Variants in HNRNPLL observed in about 807,000 individuals in gnomAD.
HNRNPLL encodes the protein heterogeneous nuclear ribonucleoprotein L-like.
HNRNPLL carries 25 observed loss-of-function variants against 67.1 expected under a neutral mutation model. The ratio of observed to expected loss-of-function variants is 0.37; its 90% CI spans 0.27 to 0.52. HNRNPLL has a LOEUF of 0.52. HNRNPLL is among the 20% of genes least tolerant of loss of function. HNRNPLL has a pLI of 0.90. For synonymous variants in HNRNPLL, 267 were observed against 241.7 expected (o/e 1.10, Z -0.97); for missense variants, 542 against 673.9 (o/e 0.80, Z 2.17).
At chr2:38,585,919 C>G in intron 2 of HNRNPLL, 38 bp from the exon 3 acceptor site, 1 of 1,195,982 alleles carries the variant, frequency 8.4e-7, no homozygotes, top group Non-Finnish European at 1.2e-6. Context: ...ACAAACACAG[C>G]AAGTTCCGTT....
chr2:38,586,748 T>C (rs1361325784), intron 2 of HNRNPLL, among the ~76,000 whole-genome samples: 1 of 152,188 alleles, frequency 6.6e-6, no homozygotes, highest in Non-Finnish European at 1.5e-5. Flanking sequence ...AAAATATTCA[T>C]TAGAATACGG....
chr2:38,587,978 T>C lies in HNRNPLL; in HGVS notation c.309-2097A>G, dbSNP rs1044114796. Among the ~76,000 whole-genome samples the C allele has an allele frequency of 2.6e-5, 4 of 152,172 alleles. No homozygotes were observed. In the East Asian group the frequency reaches 7.7e-4, roughly 29 times the overall value. On this transcript the variant is annotated intron_variant, in intron 2 of 12. Transcript: ENST00000449105. ...GTGTGCGCGCTCTCTCTCCTCTCTT[T>C]TTTTTCTCTCTCTCTCCTGCTGGCT... is the stretch of plus-strand genomic sequence containing the variant.
In HNRNPLL at chr2:38,591,596, C is replaced by G; in HGVS notation, c.242G>C (p.Arg81Pro). The G allele has an allele frequency of 6.2e-7, 1 of 1,613,902 alleles. No individual in the cohort carries two copies. Among genetic ancestry groups the G allele is most frequent in the Non-Finnish European group, 8.5e-7 (1 of 1,179,808 alleles). Residue 81 changes from arginine to proline, a missense_variant, in exon 2 of 13, where the codon CGA becomes CCA. By Grantham distance (103) the Arg-to-Pro change is moderately radical. Coordinates refer to ENST00000449105, the MANE Select transcript of HNRNPLL (RefSeq NM_138394.4). ...TTCCACCACAGATTCACAGAGTCCT[C>G]GAACATGGACGACGGGTGAAACAGA... is the stretch of plus-strand genomic sequence containing the variant. Reference protein sequence around the residue: ...KVSVSPVVHVRGLCESVVEAD... With the variant: ...KVSVSPVVHVPGLCESVVEAD...
chr2:38,592,660 G>A (rs1232672286), intron 1 of HNRNPLL, among the ~76,000 whole-genome samples: 2 of 152,186 alleles, frequency 1.3e-5, no homozygotes. Flanking sequence ...CGTAGTATCT[G>A]TACGAATTAC....
At chr2:38,570,726 A>G (rs570478704) in intron 8 of HNRNPLL, among the ~76,000 whole-genome samples, 1 of 152,286 alleles carries the variant, frequency 6.6e-6, no homozygotes, top group African/African-American at 2.4e-5. Context: ...ATACATTCCA[A>G]GAACCCCAAT....
Position 38,563,460 on chromosome 2 carries a change from C to CT in HNRNPLL, c.*721dup, listed in dbSNP as rs996608402. 13 of 152,036 alleles carry CT rather than the reference C, an allele frequency of 8.6e-5. No individual in the cohort carries two copies. Among genetic ancestry groups the CT allele is most frequent in the Non-Finnish European group, 5.9e-5 (4 of 67,950 alleles). 9.4% of individuals were successfully genotyped at this position (152,036 alleles called of 1,614,324 possible). A position where few individuals can be genotyped will look rare whatever the true frequency, so the allele number is the denominator to read the frequency against. On this transcript the variant is annotated 3_prime_UTR_variant, in exon 13 of 13. Transcript: ENST00000449105. ...TCTATTAAAATCTCAATGCCAAATA[C>CT]TAGCTGTATTTAAGTCACATGCAAC...
Position 38,599,760 on chromosome 2 carries a change from C to T in HNRNPLL, c.189+2678G>A. The stretch of plus-strand genomic sequence containing the variant: ...GTTTTTCTTAAATACTCACTTTCCT[C>T]TTTAAATGTAGTCAATATATTATCA... On this transcript the variant is annotated intron_variant, in intron 1 of 12. Transcript: ENST00000449105. The T allele has an allele frequency of 3.0e-5, 11 of 366,404 alleles. 1 individual carries two copies. Among genetic ancestry groups the T allele is most frequent in the South Asian group, 2.3e-4 (11 of 47,902 alleles). The allele number at this position is 366,404 out of a possible 1,614,324, so 22.7% of individuals were successfully genotyped here. A position where few individuals can be genotyped will look rare whatever the true frequency, so the allele number is the denominator to read the frequency against.
At chr2:38,598,102 AAAAC>A (rs1667282874) in intron 1 of HNRNPLL, among the ~76,000 whole-genome samples, 1 of 117,404 alleles carries the variant, frequency 8.5e-6, no homozygotes, top group African/African-American at 3.2e-5. Flanking sequence ...TAAAAACATA[AAAAC>A]AAAACAAAAC....
chr2:38,577,503 T>C lies in HNRNPLL; in HGVS notation c.832A>G (p.Ile278Val). 6.2e-7 allele frequency: 1 copy of C among 1,610,870 alleles called. No individual in the cohort carries two copies. The change falls in exon 7 of 13, where the codon ATT becomes GTT. Residue 278 changes from isoleucine (I) to valine (V), a missense_variant. This residue lies in a region of HNRNPLL where 415 missense variants were observed against 575.2 expected (regional missense o/e 0.72). Coordinates refer to ENST00000449105, the MANE Select transcript of HNRNPLL (RefSeq NM_138394.4). ...AACGAAGAAGGGTGTTCTCCCAAAA[T>C]GGCTTGTCTCTGGCGACCCTTTCCT... ...DRGKGRQRQA[I>V]LGEHPSSFRH...
intron 1 of HNRNPLL, among the ~76,000 whole-genome samples, chr2:38,599,469 C>A (rs1245214268): frequency 6.6e-6 from 1 of 152,084 alleles, no homozygotes; most frequent in Non-Finnish European, 1.5e-5. Context: ...GAACACTACT[C>A]CACAAGAAAA....
In HNRNPLL at chr2:38,602,607, G is replaced by C; in HGVS notation, c.20C>G (p.Ser7Cys). The C allele has an allele frequency of 6.4e-7, 1 of 1,560,284 alleles. No individual in the cohort carries two copies. Residue 7 changes from serine to cysteine, a missense_variant, in exon 1 of 13, where the codon TCC (serine) becomes TGC (cysteine). Coordinates refer to ENST00000449105, the MANE Select transcript of HNRNPLL (RefSeq NM_138394.4). MSSSSS[S>C]PRETYEEDRE... ...GTCCTCCTCGTACGTCTCCCTGGGG[G>C]AGGAAGAGGAGGAGGACATGGCGGC... is the stretch of plus-strand genomic sequence containing the variant.
At chr2:38,576,391 T>C (rs1347657227) in intron 7 of HNRNPLL, among the ~76,000 whole-genome samples, 1 of 151,824 alleles carries the variant, frequency 6.6e-6, no homozygotes, top group Non-Finnish European at 1.5e-5. Context: ...ATGTTTACTC[T>C]GTTACAGGAA....
At chr2:38,591,065 C>T (rs1666942691) in intron 2 of HNRNPLL, among the ~76,000 whole-genome samples, 1 of 152,122 alleles carries the variant, frequency 6.6e-6, no homozygotes, top group Non-Finnish European at 1.5e-5. Flanking sequence ...CAATATGCAC[C>T]TAAACAAATA....
intron 7 of HNRNPLL, among the ~76,000 whole-genome samples, chr2:38,573,715 T>A (rs1015604622): frequency 6.6e-6 from 1 of 151,852 alleles, no homozygotes; most frequent in Non-Finnish European, 1.5e-5. Flanking sequence ...TATGGGGGGT[T>A]AAGAAAATGA....
chr2:38,576,316 CA>C (rs1440432478), intron 7 of HNRNPLL, among the ~76,000 whole-genome samples: 1 of 151,736 alleles, frequency 6.6e-6, no homozygotes, highest in Non-Finnish European at 1.5e-5. Context: ...CCTCCATTAT[CA>C]AAGTGCAAAA....
chr2:38,588,917 A>T (rs775086903), intron 2 of HNRNPLL, among the ~76,000 whole-genome samples: 1 of 152,182 alleles, frequency 6.6e-6, no homozygotes, highest in Non-Finnish European at 1.5e-5. Flanking sequence ...GAAACAAAAA[A>T]GCTAAGGGAC....
At chr2:38,590,670 G>A (rs1438327976) in intron 2 of HNRNPLL, among the ~76,000 whole-genome samples, 1 of 152,126 alleles carries the variant, frequency 6.6e-6, no homozygotes, top group Non-Finnish European at 1.5e-5. Flanking sequence ...GGGGGAGCCT[G>A]CGTGAATACA....
intron 1 of HNRNPLL, 168 bp downstream of exon 1, chr2:38,602,270 A>G (rs1300158121): frequency 3.3e-6 from 2 of 615,198 alleles, no homozygotes. Flanking sequence ...GGGATGCGGG[A>G]AACAGGTAGA....
chr2:38,588,622 A>G (rs1350026664), intron 2 of HNRNPLL, among the ~76,000 whole-genome samples: 1 of 151,986 alleles, frequency 6.6e-6, no homozygotes, highest in African/African-American at 2.4e-5. Context: ...AGTAGCATCA[A>G]TGAAGATAAA....
Sources: gnomAD v4.1 joint callset for allele counts (sites outside exome capture counted in the v4.1 genomes callset) on GRCh38, gnomAD v4.1.1 for gene constraint, gnomAD v4.1.1 regional missense constraint, MANE v1.5 for transcripts, NCBI Gene and HGNC (gene_info 2026-07-23, HGNC 2026-07-21) for gene names.